The following NEMP2 variants were observed in gnomAD, a reference collection of about 807,000 sequenced individuals.
The protein encoded by NEMP2 is nuclear envelope integral membrane protein 2, also known as UPF0571 transmembrane protein.
Under a neutral mutation model 54.2 loss-of-function variants are expected in NEMP2, and 53 were observed. That is an observed-to-expected ratio of 0.98 (90% CI 0.78 to 1.23). The LOEUF is 1.23. Among genes scored for constraint, NEMP2 ranks in the 50% most tolerant of loss-of-function variants. The pLI, the probability that NEMP2 is intolerant of heterozygous loss-of-function variation, is 0.00. For missense variants in NEMP2, 455 were observed against 511.3 expected, an observed-to-expected ratio of 0.89 and a Z score of 1.06; for synonymous variants, 197 against 190.3, an observed-to-expected ratio of 1.04 and a Z score of -0.29.
the NEMP2 span, chr2:190,620,237 AT>A: frequency 6.6e-6 from 1 of 152,318 alleles, no homozygotes; most frequent in East Asian, 1.9e-4. This position sits in a 1 kb window ranked among gnomAD's most constrained non-coding sequence, Gnocchi z 4.9. Flanking sequence ...CATATGCACT[AT>A]CAAAATTCAT....
chr2:190,637,506 A>T, the NEMP2 span, among the ~76,000 whole-genome samples: 2 of 152,148 alleles, frequency 1.3e-5, no homozygotes, highest in African/African-American at 2.4e-5. This position sits in a 1 kb window ranked among gnomAD's most constrained non-coding sequence, Gnocchi z 4.5. Flanking sequence ...TTCTCAAGTC[A>T]TTTGGAATCA....
Position 190,522,682 on chromosome 2 carries a change from G to T in NEMP2, c.213+2581C>A, listed in dbSNP as rs112625538. The stretch of plus-strand genomic sequence containing the variant: ...TCAATACAGACCTTAAGTCTGATAA[G>T]AAGCATTTATAATCTATTCTCTCTA... On this transcript the variant is annotated intron_variant, in intron 2 of 8. Coordinates refer to ENST00000409150, the MANE Select transcript of NEMP2 (RefSeq NM_001142645.2). This position sits in a 1 kb window ranked among gnomAD's most constrained non-coding sequence, Gnocchi z 5.0. Among the ~76,000 whole-genome samples the T allele has an allele frequency of 9.6e-4, 146 of 152,282 alleles. No individual in the cohort carries two copies. The highest frequency in any genetic ancestry group is 3.3e-3 in the African/African-American group (137 of 41,558).
rs1335200381 is a variant in NEMP2 at position 190,513,911 on chromosome 2, C to G, written c.953+542G>C. On this transcript the variant is annotated intron_variant, in intron 7 of 8. Transcript: ENST00000409150. This position sits in a 1 kb window ranked among gnomAD's most constrained non-coding sequence, Gnocchi z 5.3. ...TGCACCTGACATGAAAACAGCTGCT[C>G]AGACTCAATGACTGAGGAGAAACAT... 1.3e-5 allele frequency among the ~76,000 whole-genome samples: 2 copies of G among 152,164 alleles called. No homozygotes were observed. Among genetic ancestry groups the G allele is most frequent in the African/African-American group, 4.8e-5 (2 of 41,424 alleles).
chr2:190,630,788 G>A, the NEMP2 span, among the ~76,000 whole-genome samples: 23 of 152,054 alleles, frequency 1.5e-4, no homozygotes, highest in Non-Finnish European at 2.6e-4. The surrounding 1 kb of genome is among the most constrained non-coding windows in gnomAD (Gnocchi z 5.5). Context: ...TTTTAATTCC[G>A]TTTTTTCATG....
At chr2:190,482,093 G>A in the NEMP2 span, among the ~76,000 whole-genome samples, 1 of 152,198 alleles carries the variant, frequency 6.6e-6, no homozygotes, top group Non-Finnish European at 1.5e-5. Flanking sequence ...AATTGTATGG[G>A]TCAGGTGCAG....
At chr2:190,492,865 A>T in the NEMP2 span, among the ~76,000 whole-genome samples, 77 of 152,172 alleles carry the variant, frequency 5.1e-4, no homozygotes, top group Admixed American at 1.2e-3. This position sits in a 1 kb window ranked among gnomAD's most constrained non-coding sequence, Gnocchi z 5.2. Context: ...GCACTACAAG[A>T]GCTGAAAGGA....
the NEMP2 span, among the ~76,000 whole-genome samples, chr2:190,446,084 A>C: frequency 1.3e-5 from 2 of 152,132 alleles, no homozygotes; most frequent in Admixed American, 1.3e-4. Flanking sequence ...AAAAAATCCT[A>C]CCCAAACAAT....
rs531353441 is a variant in NEMP2 at position 190,528,940 on chromosome 2, G to A, written c.98-3562C>T. Among the ~76,000 whole-genome samples, 1 of 152,294 alleles carries A rather than the reference G, an allele frequency of 6.6e-6. No individual in the cohort carries two copies. Among genetic ancestry groups the A allele is most frequent in the African/African-American group, 2.4e-5 (1 of 41,560 alleles). ...CACATTCCTCTTGCACTAGGATGAT[G>A]TAATAGCCTTCTATCTGGCTGGTCT... is the stretch of plus-strand genomic sequence containing the variant. On this transcript the variant is annotated intron_variant, in intron 1 of 8. Transcript: ENST00000409150. The surrounding 1 kb of genome is among the most constrained non-coding windows in gnomAD (Gnocchi z 4.3).
chr2:190,639,177 AT>A, the NEMP2 span, among the ~76,000 whole-genome samples: 1 of 151,852 alleles, frequency 6.6e-6, no homozygotes, highest in Non-Finnish European at 1.5e-5. Context: ...AACACATTCA[AT>A]TTTTTTTGTA....
chr2:190,563,923 C>T, the NEMP2 span, among the ~76,000 whole-genome samples: 10 of 152,236 alleles, frequency 6.6e-5, no homozygotes, highest in African/African-American at 2.2e-4. The surrounding 1 kb of genome is among the most constrained non-coding windows in gnomAD (Gnocchi z 4.3). Context: ...GGAGGCCAAC[C>T]TCTGCTACTT....
At chr2:190,606,425 C>A in the NEMP2 span, among the ~76,000 whole-genome samples, 1 of 152,066 alleles carries the variant, frequency 6.6e-6, no homozygotes, top group African/African-American at 2.4e-5. Flanking sequence ...GAAAGTTCAA[C>A]AAGAGGCCAG....
rs1690161548 is a variant in NEMP2 at position 190,505,322 on chromosome 2, G to C, written c.*3867C>G. On this transcript the variant is annotated 3_prime_UTR_variant, in exon 9 of 9. Coordinates refer to ENST00000409150, the MANE Select transcript of NEMP2 (RefSeq NM_001142645.2). This position sits in a 1 kb window ranked among gnomAD's most constrained non-coding sequence, Gnocchi z 5.8. ...AGCAACTTTCTCCTACCTTCTCTGG[G>C]TCTTTCCTCATCTGTAAAATGAAAA... is the stretch of plus-strand genomic sequence containing the variant. 2 of 152,170 alleles carry C rather than the reference G, an allele frequency of 1.3e-5. No individual in the cohort carries two copies. The highest frequency in any genetic ancestry group is 4.8e-5 in the African/African-American group (2 of 41,418). The allele number at this position is 152,170 out of a possible 1,614,324, so 9.4% of individuals were successfully genotyped here. A position where few individuals can be genotyped will look rare whatever the true frequency, so the allele number is the denominator to read the frequency against.
At chr2:190,640,154 A>G in the NEMP2 span, among the ~76,000 whole-genome samples, 2 of 152,196 alleles carry the variant, frequency 1.3e-5, no homozygotes, top group Non-Finnish European at 2.9e-5. Context: ...AATTGAATAT[A>G]TTCCATCATA....
In NEMP2 at chr2:190,519,211, A is replaced by C; in HGVS notation, c.214-28T>G. 1 of 1,438,778 alleles carries C rather than the reference A, an allele frequency of 7.0e-7. No homozygotes were observed. The highest frequency in any genetic ancestry group is 9.5e-7 in the Non-Finnish European group (1 of 1,054,564). The allele number at this position is 1,438,778 out of a possible 1,614,324, so 89.1% of individuals were successfully genotyped here. ...GTAAAACAAGAACAAGCAAATCCAT[A>C]AACAGAATAACTTCTCTTTTTTGTT... is the stretch of plus-strand genomic sequence containing the variant. On this transcript the variant is annotated intron_variant, in intron 2 of 8. Transcript: ENST00000409150. This position sits in a 1 kb window ranked among gnomAD's most constrained non-coding sequence, Gnocchi z 5.4.
the NEMP2 span, among the ~76,000 whole-genome samples, chr2:190,635,583 A>G: frequency 2.0e-5 from 3 of 152,208 alleles, no homozygotes; most frequent in Non-Finnish European, 4.4e-5. The surrounding 1 kb of genome is among the most constrained non-coding windows in gnomAD (Gnocchi z 4.1). Context: ...GGAGATATGC[A>G]TATCTATTTC....
the NEMP2 span, among the ~76,000 whole-genome samples, chr2:190,559,818 T>C: frequency 3.3e-5 from 5 of 152,054 alleles, no homozygotes; most frequent in African/African-American, 1.2e-4. The surrounding 1 kb of genome is among the most constrained non-coding windows in gnomAD (Gnocchi z 4.0). Context: ...GGTCCAGAAG[T>C]AGGTGAGGTT....
the NEMP2 span, among the ~76,000 whole-genome samples, chr2:190,472,146 A>G: frequency 6.6e-6 from 1 of 152,216 alleles, no homozygotes; most frequent in African/African-American, 2.4e-5. Context: ...GGGAAAAAAC[A>G]GAGCAGAAAA....
chr2:190,540,245 C>A, the NEMP2 span, among the ~76,000 whole-genome samples: 2 of 151,394 alleles, frequency 1.3e-5, no homozygotes, highest in African/African-American at 2.4e-5. Flanking sequence ...GTCGAACCAT[C>A]CTTGCATTCC....
the NEMP2 span, among the ~76,000 whole-genome samples, chr2:190,557,208 A>G: frequency 6.6e-6 from 1 of 152,198 alleles, no homozygotes; most frequent in East Asian, 1.9e-4. Flanking sequence ...CAAACCTGAC[A>G]AAAAACAAGC....
Sources: allele counts gnomAD v4.1 joint callset (sites outside exome capture counted in the v4.1 genomes callset), GRCh38; gene constraint gnomAD v4.1.1; non-coding constraint Gnocchi (gnomAD v3.1); transcripts MANE v1.5; gene names NCBI Gene and HGNC (gene_info 2026-07-23, HGNC 2026-07-21).